PCNX1: variants seen among roughly 807,000 people sequenced by gnomAD.
The protein encoded by PCNX1 is pecanex-like protein 1.
PCNX1 carries 78 observed loss-of-function variants against 242.2 expected under a neutral mutation model. The ratio of observed to expected loss-of-function variants is 0.32; its 90% CI spans 0.27 to 0.39. The LOEUF (loss-of-function observed/expected upper bound fraction) is 0.39. Ranked by LOEUF, PCNX1 falls within the 10% of genes least tolerant of loss-of-function variation. PCNX1 has a pLI of 1.00. For missense variants in PCNX1, 2,581 were observed against 2,856.5 expected (o/e 0.90, Z 2.20); for synonymous variants, 1,024 against 1,032.9 (o/e 0.99, Z 0.17).
intron 8 of PCNX1, among the ~76,000 whole-genome samples, chr14:70,997,328 C>G (rs775193407): frequency 3.9e-5 from 6 of 151,988 alleles, no homozygotes; most frequent in South Asian, 2.1e-4. Context: ...AGTAGATCAG[C>G]TAAAATAAAA....
chr14:70,962,412 CTGA>C, intron 3 of PCNX1, 81 bp downstream of exon 3: 2 of 733,324 alleles, frequency 2.7e-6, no homozygotes, highest in Admixed American at 3.9e-5. Context: ...TTTAAGTCGG[CTGA>C]TGTTTTGTCA....
At chr14:70,919,541 G>C (rs540269424) in intron 1 of PCNX1, among the ~76,000 whole-genome samples, 1 of 152,176 alleles carries the variant, frequency 6.6e-6, no homozygotes, top group South Asian at 2.1e-4. Context: ...GAATAGCACA[G>C]ACTAATAATA....
chr14:71,000,398 T>C (rs1053118622), intron 8 of PCNX1, among the ~76,000 whole-genome samples: 1 of 152,204 alleles, frequency 6.6e-6, no homozygotes, highest in Admixed American at 6.5e-5. Context: ...AAAATGTACA[T>C]GTGTATATGC....
intron 7 of PCNX1, among the ~76,000 whole-genome samples, chr14:70,990,595 A>G (rs374109465): frequency 1.3e-5 from 2 of 151,980 alleles, no homozygotes; most frequent in African/African-American, 4.8e-5. Flanking sequence ...TCTTTCATAG[A>G]TCATGTTCCT....
chr14:71,080,119 T>A (rs1452753394), intron 28 of PCNX1, among the ~76,000 whole-genome samples: 2 of 152,210 alleles, frequency 1.3e-5, no homozygotes, highest in African/African-American at 4.8e-5. Flanking sequence ...CACCATTTAT[T>A]AAATAGGGAA....
At chr14:70,933,374 A>G (rs565124096) in intron 1 of PCNX1, among the ~76,000 whole-genome samples, 29 of 152,330 alleles carry the variant, frequency 1.9e-4, no homozygotes, top group African/African-American at 6.7e-4. Flanking sequence ...ACTATGGCCC[A>G]TGGAGGTTTT....
rs746095417 is a variant in PCNX1, at chr14:71,033,489, G to A, written c.3619G>A (p.Ala1207Thr). ...CTCCATTTTTTGTGGTTTATTAGTGGCAGTGTCTTACCATCTCAGCCGACA... is the reference window on the plus strand; with the variant it reads ...CTCCATTTTTTGTGGTTTATTAGTGACAGTGTCTTACCATCTCAGCCGACA... The part of the protein sequence containing the change: ...LFSIFCGLLV[A>T]VSYHLSRQSS... The change falls in exon 17 of 36, where the codon GCA becomes ACA. Residue 1207 changes from alanine (A) to threonine (T), a missense_variant. By Grantham distance (58) the Ala-to-Thr change is moderately conservative. Coordinates refer to ENST00000304743, the MANE Select transcript of PCNX1 (RefSeq NM_014982.3). 6.2e-7 allele frequency: 1 copy of A among 1,609,712 alleles called. No homozygotes were observed. Among genetic ancestry groups the A allele is most frequent in the Non-Finnish European group, 8.5e-7 (1 of 1,176,366 alleles).
At chr14:70,911,610 G>A (rs923379056) in intron 1 of PCNX1, among the ~76,000 whole-genome samples, 1 of 152,090 alleles carries the variant, frequency 6.6e-6, no homozygotes, top group African/African-American at 2.4e-5. Context: ...AAGCAGATTG[G>A]AATTAGTGTC....
intron 15 of PCNX1, among the ~76,000 whole-genome samples, chr14:71,028,433 A>AT (rs1236910902): frequency 1.3e-5 from 2 of 151,968 alleles, no homozygotes; most frequent in Non-Finnish European, 2.9e-5. Context: ...CATAATATAG[A>AT]TAAAATTTTT....
At position 71,019,386 on chromosome 14, in the gene PCNX1, CTG is replaced by C. The variant is rs143939384; in HGVS notation, c.3150+228_3150+229del. Among the ~76,000 whole-genome samples the C allele has an allele frequency of 9.0e-3, 1,368 of 152,016 alleles. 10 individuals are homozygous for C. The highest frequency in any genetic ancestry group is 0.012 in the Non-Finnish European group (843 of 67,964). On this transcript the variant is annotated intron_variant, in intron 12 of 35. Transcript: ENST00000304743. ...ACAAGTTTTTTGTATTAAAAGAAAACTGTGTTTGTTTTGTTTGTTTTATTTTG... is the reference window on the plus strand; with the variant it reads ...ACAAGTTTTTTGTATTAAAAGAAAACTGTTTGTTTTGTTTGTTTTATTTTG...
chr14:71,090,850 C>T (rs1052492617), intron 30 of PCNX1, among the ~76,000 whole-genome samples: 1 of 152,212 alleles, frequency 6.6e-6, no homozygotes. Context: ...AGAATTAAAG[C>T]CTCTGATGCC....
At position 70,949,295 on chromosome 14, in the gene PCNX1, G is replaced by GCACACACGTGTATACACACACACGTGTA. The variant is rs1566608700; in HGVS notation, c.362+2172_362+2173insCACACACGTGTATACACACACACGTGTA. On this transcript the variant is annotated intron_variant, in intron 2 of 35. Transcript: ENST00000304743. ...CACACACGTGTATACACACACGTGT[G>GCACACACGTGTATACACACACACGTGTA]TACACACATATGTGTGTAGATACAC... Among the ~76,000 whole-genome samples the GCACACACGTGTATACACACACACGTGTA allele has an allele frequency of 3.8e-5, 4 of 106,540 alleles. No individual in the cohort carries two copies. In the East Asian group the frequency reaches 1.7e-3, roughly 45 times the overall value. The allele number at this position is 106,540 out of a possible 152,430, so 69.9% of individuals were successfully genotyped here.
rs74060521 is a variant in PCNX1, at chr14:70,986,969, T to G, written c.2312-1598T>G. On this transcript the variant is annotated intron_variant, in intron 6 of 35. Transcript: ENST00000304743. The stretch of plus-strand genomic sequence containing the variant: ...ATTCCATAACCTGAGTTAAACCTTA[T>G]TGGTGTCTAAGAACTGTTAGCAGGT... 8.6e-3 allele frequency among the ~76,000 whole-genome samples: 1,316 copies of G among 152,310 alleles called. 25 individuals carry two copies. The highest frequency in any genetic ancestry group is 0.03 in the African/African-American group (1,241 of 41,564).
intron 3 of PCNX1, chr14:70,965,481 G>C (rs1477167379): frequency 1.3e-5 from 2 of 152,114 alleles, no homozygotes; most frequent in African/African-American, 2.4e-5. Context: ...GGCTAGTATG[G>C]TGAAACTCCG....
At chr14:71,004,503 G>A (rs528019598) in intron 8 of PCNX1, among the ~76,000 whole-genome samples, 1 of 152,352 alleles carries the variant, frequency 6.6e-6, no homozygotes, top group African/African-American at 2.4e-5. Flanking sequence ...CTCCTTATGA[G>A]AATCCAATGC....
At chr14:71,006,184 C>G (rs2059661705) in intron 8 of PCNX1, among the ~76,000 whole-genome samples, 1 of 146,960 alleles carries the variant, frequency 6.8e-6, no homozygotes, top group Non-Finnish European at 1.5e-5. Flanking sequence ...GATGAGGTCT[C>G]ACTATGTTGC....
chr14:71,020,155 G>C (rs2060061981), intron 12 of PCNX1, among the ~76,000 whole-genome samples: 1 of 152,116 alleles, frequency 6.6e-6, no homozygotes, highest in Non-Finnish European at 1.5e-5. Context: ...TTGTATATGT[G>C]CCACATTTTC....
At chr14:70,965,081 G>A (rs2058336660) in intron 3 of PCNX1, among the ~76,000 whole-genome samples, 1 of 152,128 alleles carries the variant, frequency 6.6e-6, no homozygotes, top group Non-Finnish European at 1.5e-5. Context: ...GTACTAAACA[G>A]TGAACCCACT....
intron 1 of PCNX1, among the ~76,000 whole-genome samples, chr14:70,946,194 A>G (rs2057449906): frequency 6.6e-6 from 1 of 152,200 alleles, no homozygotes. Flanking sequence ...ATTTTTAAGT[A>G]TTTTAAATGT....
Sources: gnomAD v4.1 joint callset for allele counts (sites outside exome capture counted in the v4.1 genomes callset) on GRCh38, gnomAD v4.1.1 for gene constraint, MANE v1.5 for transcripts, NCBI Gene and HGNC (gene_info 2026-07-23, HGNC 2026-07-21) for gene names.